The following HECW1 variants were observed in gnomAD, a reference collection of about 807,000 sequenced individuals.
HECW1 encodes HECT, C2 and WW domain containing E3 ubiquitin protein ligase 1.
HECW1 carries 61 observed loss-of-function variants against 182.3 expected under a neutral mutation model. The ratio of observed to expected loss-of-function variants is 0.33; its 90% CI spans 0.27 to 0.41. The LOEUF is 0.41. HECW1 is among the 10% of genes least tolerant of loss of function. The probability of loss-of-function intolerance (pLI) is 1.00; values close to 1 mark genes in which losing one functional copy is unlikely to be tolerated. For missense variants in HECW1, 1,739 were observed against 2,108.9 expected (o/e 0.82, Z 3.44); for synonymous variants, 859 against 832.6 (o/e 1.03, Z -0.55).
chr7:43,516,169 A>G (rs1045256330), intron 24 of HECW1, among the ~76,000 whole-genome samples: 2 of 152,174 alleles, frequency 1.3e-5, no homozygotes, highest in Non-Finnish European at 2.9e-5. Flanking sequence ...CTTCCCGAAA[A>G]TGTAAGCCCA....
At chr7:43,488,434 G>GAGAAGAA (rs1554440500) in intron 17 of HECW1, among the ~76,000 whole-genome samples, 2 of 93,082 alleles carry the variant, frequency 2.1e-5, no homozygotes, top group African/African-American at 8.8e-5. Context: ...AAGAAAGAAA[G>GAGAAGAA]AGAAAGAAAG....
intron 12 of HECW1, among the ~76,000 whole-genome samples, chr7:43,453,816 ATGG>A (rs2077312589): frequency 6.6e-6 from 1 of 152,216 alleles, no homozygotes; most frequent in Non-Finnish European, 1.5e-5. Flanking sequence ...AGACAAACCC[ATGG>A]CATCACAGTG....
rs1464549577 is a variant in HECW1, at chr7:43,445,256, G to C, written c.2084G>C (p.Ser695Thr). 3 of 1,612,448 alleles carry C rather than the reference G, an allele frequency of 1.9e-6. No homozygotes were observed. The highest frequency in any genetic ancestry group is 1.7e-5 in the Admixed American group (1 of 60,018). The stretch of plus-strand genomic sequence containing the variant: ...TGCTACAGCACGTCCTGCTACAGCA[G>C]CTCGTGCTACAGCGCCTCGTGCTAC... ...SSCYSTSCYS[S>T]SCYSASCYSP... Residue 695 changes from serine (S) to threonine (T), a missense_variant, in exon 11 of 30, where the codon AGC becomes ACC. Physicochemically the swap from Ser to Thr is moderately conservative, Grantham distance 58 (BLOSUM62 1). Coordinates refer to ENST00000395891, the MANE Select transcript of HECW1 (RefSeq NM_015052.5).
At chr7:43,365,170 G>A (rs140687812) in intron 6 of HECW1, among the ~76,000 whole-genome samples, 1 of 152,340 alleles carries the variant, frequency 6.6e-6, no homozygotes, top group Non-Finnish European at 1.5e-5. Flanking sequence ...TTTGCCTGCC[G>A]GTTCTCCTGC....
chr7:43,305,206 C>T (rs867553892), intron 3 of HECW1, among the ~76,000 whole-genome samples: 2 of 152,098 alleles, frequency 1.3e-5, no homozygotes, highest in African/African-American at 4.8e-5. Flanking sequence ...CCACTATAAT[C>T]GTGATTAAAA....
chr7:43,450,697 C>A (rs1370366002), intron 11 of HECW1, 131 bp from the exon 12 acceptor site: 2 of 572,754 alleles, frequency 3.5e-6, no homozygotes, highest in Non-Finnish European at 6.3e-6. Context: ...AGCAAACTGA[C>A]ACACACACAC....
chr7:43,493,787 T>G (rs970908154), intron 19 of HECW1, among the ~76,000 whole-genome samples: 20 of 152,222 alleles, frequency 1.3e-4, no homozygotes, highest in African/African-American at 4.6e-4. Flanking sequence ...CGTTCCAAAA[T>G]CTGGAGAGGC....
At chr7:43,290,054 C>A (rs970563533) in intron 3 of HECW1, among the ~76,000 whole-genome samples, 1 of 152,212 alleles carries the variant, frequency 6.6e-6, no homozygotes, top group South Asian at 2.1e-4. Context: ...TTCAGAAAGA[C>A]AGATTGTAAA....
chr7:43,404,781 G>T (rs1562939303), intron 7 of HECW1, among the ~76,000 whole-genome samples: 1 of 152,030 alleles, frequency 6.6e-6, no homozygotes, highest in Non-Finnish European at 1.5e-5. Flanking sequence ...TTTAAGACCA[G>T]CTGGCCAACC....
chr7:43,441,087 A>G (rs2076872038), intron 9 of HECW1, among the ~76,000 whole-genome samples: 1 of 152,232 alleles, frequency 6.6e-6, no homozygotes, highest in Non-Finnish European at 1.5e-5. Flanking sequence ...TAACTCCTGA[A>G]TATCCAAAGG....
intron 16 of HECW1, among the ~76,000 whole-genome samples, chr7:43,477,727 T>G (rs998903948): frequency 2.0e-5 from 3 of 152,208 alleles, no homozygotes; most frequent in Non-Finnish European, 4.4e-5. Context: ...GGTGTATTTT[T>G]ATCTCAATTA....
chr7:43,228,182 G>A (rs1408716819), intron 2 of HECW1, among the ~76,000 whole-genome samples: 6 of 152,260 alleles, frequency 3.9e-5, no homozygotes, highest in Non-Finnish European at 1.5e-5. Flanking sequence ...TTTGCAACAA[G>A]TATGTTAGAC....
At chr7:43,559,093 A>G (rs988322081) in intron 29 of HECW1, among the ~76,000 whole-genome samples, 5 of 152,188 alleles carry the variant, frequency 3.3e-5, no homozygotes, top group African/African-American at 1.2e-4. Context: ...TCTCTAGTAG[A>G]GAGGAGCAAG....
chr7:43,561,508 A>G (rs1208429696), intron 29 of HECW1, among the ~76,000 whole-genome samples: 1 of 152,232 alleles, frequency 6.6e-6, no homozygotes, highest in Non-Finnish European at 1.5e-5. Flanking sequence ...ACCACATCAA[A>G]ATTTGTAACT....
intron 2 of HECW1, among the ~76,000 whole-genome samples, chr7:43,147,783 C>T (rs1466839862): frequency 6.6e-6 from 1 of 152,124 alleles, no homozygotes; most frequent in Non-Finnish European, 1.5e-5. Context: ...GGCCATTGGC[C>T]ACAGTAGTCT....
At chr7:43,438,203 A>G in intron 9 of HECW1, 58 bp downstream of exon 9, 1 of 1,521,884 alleles carries the variant, frequency 6.6e-7, no homozygotes, top group Non-Finnish European at 9.1e-7. Flanking sequence ...GTCGTGCCCA[A>G]AGGTGGCCTG....
At chr7:43,484,898 T>C (rs1223296471) in intron 17 of HECW1, among the ~76,000 whole-genome samples, 1 of 152,180 alleles carries the variant, frequency 6.6e-6, no homozygotes, top group Non-Finnish European at 1.5e-5. Context: ...AGGTCACAGA[T>C]AAGTGGAGTG....
intron 2 of HECW1, among the ~76,000 whole-genome samples, chr7:43,209,691 G>A (rs763511192): frequency 6.6e-6 from 1 of 152,178 alleles, no homozygotes; most frequent in Non-Finnish European, 1.5e-5. Context: ...GAGTATCAAT[G>A]TCTTTCCACA....
At chr7:43,374,284 T>A (rs1000802538) in intron 6 of HECW1, among the ~76,000 whole-genome samples, 1 of 152,184 alleles carries the variant, frequency 6.6e-6, no homozygotes, top group South Asian at 2.1e-4. Flanking sequence ...CTCTACATGA[T>A]TCAAGAGAAC....
Sources: gnomAD v4.1 joint callset for allele counts (sites outside exome capture counted in the v4.1 genomes callset) on GRCh38, gnomAD v4.1.1 for gene constraint, MANE v1.5 for transcripts, NCBI Gene and HGNC (gene_info 2026-07-23, HGNC 2026-07-21) for gene names.